Variants in ANKFY1 observed in about 807,000 individuals in gnomAD.
The protein encoded by ANKFY1 is ankyrin repeat and FYVE domain-containing protein 1.
A neutral mutation model predicts 128.3 loss-of-function variants in ANKFY1; 47 were observed. The observed-to-expected ratio is 0.37, with a 90% CI of 0.29 to 0.47. The LOEUF (loss-of-function observed/expected upper bound fraction) is 0.47, where lower values mean the gene tolerates loss of function less well. Among genes scored for constraint, ANKFY1 ranks in the 20% least tolerant of loss-of-function variants. ANKFY1 has a pLI of 1.00. For synonymous variants in ANKFY1, 553 were observed against 601.6 expected, an observed-to-expected ratio of 0.92 and a Z score of 1.18; for missense variants, 1,222 against 1,510.6, an observed-to-expected ratio of 0.81 and a Z score of 3.17.
intron 2 of ANKFY1, among the ~76,000 whole-genome samples, chr17:4,241,415 G>A (rs1967215230): frequency 6.6e-6 from 1 of 151,754 alleles, no homozygotes; most frequent in Non-Finnish European, 1.5e-5. Flanking sequence ...GAGTAGCTGG[G>A]ACTACAGGTG....
chr17:4,204,517 C>T (rs770653520), intron 7 of ANKFY1, among the ~76,000 whole-genome samples: 8 of 152,204 alleles, frequency 5.3e-5, no homozygotes, highest in Non-Finnish European at 1.2e-4. Flanking sequence ...AATCCACATA[C>T]TTGCAAGCAA....
At chr17:4,239,683 C>T (rs562511800) in intron 2 of ANKFY1, among the ~76,000 whole-genome samples, 63 of 152,170 alleles carry the variant, frequency 4.1e-4, no homozygotes, top group Admixed American at 2.6e-3. Flanking sequence ...GGATTACAGG[C>T]GCGTGCCACC....
chr17:4,194,131 G>A (rs551606923), intron 10 of ANKFY1, among the ~76,000 whole-genome samples: 7 of 108,062 alleles, frequency 6.5e-5, no homozygotes, highest in East Asian at 2.6e-4. Flanking sequence ...TTTTTGAGAC[G>A]GAGTTTCAGT....
At position 4,170,872 on chromosome 17, in the gene ANKFY1, A is replaced by G. The variant is rs1375125478; in HGVS notation, c.3140-11T>C. 1.3e-5 allele frequency: 21 copies of G among 1,614,182 alleles called. No homozygotes were observed. The highest frequency in any genetic ancestry group is 6.7e-5 in the Admixed American group (4 of 60,014). Reference sequence around the variant, plus strand: ...ATGCCAGGAGCAGCACTGGAAAACAAAAGCACGCGCAGGGCTACTTCCCAC... The same window carrying G: ...ATGCCAGGAGCAGCACTGGAAAACAGAAGCACGCGCAGGGCTACTTCCCAC... On this transcript the variant is annotated splice_polypyrimidine_tract_variant and intron_variant, in intron 22 of 24. Coordinates refer to ENST00000341657, the MANE Select transcript of ANKFY1 (RefSeq NM_001330063.2).
chr17:4,254,163 G>T (rs548468132), intron 1 of ANKFY1, among the ~76,000 whole-genome samples: 1 of 151,994 alleles, frequency 6.6e-6, no homozygotes, highest in Non-Finnish European at 1.5e-5. Context: ...AATTAGCCAG[G>T]TGTGGTGGCA....
intron 8 of ANKFY1, 88 bp downstream of exon 8, chr17:4,197,285 C>T: frequency 8.7e-6 from 12 of 1,379,592 alleles, no homozygotes; most frequent in Non-Finnish European, 1.1e-5. Flanking sequence ...AACTAAAGAA[C>T]ATGAACTCCC....
intron 7 of ANKFY1, among the ~76,000 whole-genome samples, chr17:4,201,582 G>A (rs1004160912): frequency 6.6e-6 from 1 of 151,528 alleles, no homozygotes; most frequent in African/African-American, 2.4e-5. Flanking sequence ...AGGGCTATTG[G>A]GTTCTACTTT....
intron 17 of ANKFY1, chr17:4,179,322 C>CGTG (rs2059466421): frequency 1.8e-6 from 1 of 557,178 alleles, no homozygotes; most frequent in Admixed American, 3.1e-5. Flanking sequence ...TCTAAGCCAC[C>CGTG]ACTCCTTATC....
chr17:4,242,137 T>C lies in ANKFY1; in HGVS notation c.203+119A>G, dbSNP rs1177987844. 1.4e-5 allele frequency: 14 copies of C among 1,011,274 alleles called. No homozygotes were observed. The East Asian group carries it at 4.1e-4, about 30-fold the overall frequency. 62.6% of individuals were successfully genotyped at this position (1,011,274 alleles called of 1,614,324 possible). A position where few individuals can be genotyped will look rare whatever the true frequency, so the allele number is the denominator to read the frequency against. On this transcript the variant is annotated intron_variant, in intron 2 of 24. Coordinates refer to ENST00000341657, the MANE Select transcript of ANKFY1 (RefSeq NM_001330063.2). ...CTCAAGGAGCTTCTATTCTAGGGAA[T>C]CGATTTGCTAATATCCTCATTAGAG...
chr17:4,238,576 C>T (rs1461783304), intron 2 of ANKFY1, among the ~76,000 whole-genome samples: 2 of 151,834 alleles, frequency 1.3e-5, no homozygotes, highest in South Asian at 2.1e-4. Flanking sequence ...CAGGTTCAAG[C>T]GATTCTCCTG....
At position 4,169,256 on chromosome 17, in the gene ANKFY1, C is replaced by T. The variant is rs2059269993; in HGVS notation, c.3319G>A (p.Gly1107Ser). The change falls in exon 24 of 25, where the codon GGC (glycine) becomes AGC (serine). Residue 1107 changes from glycine to serine, a missense_variant. Physicochemically the swap from Gly to Ser is moderately conservative, Grantham distance 56. Transcript: ENST00000341657. The surrounding 1 kb of genome is among the most constrained non-coding windows in gnomAD (Gnocchi z 5.0). ...GCAGTGCACTCATAGCAGTAGGAGC[C>T]GTCACACCACGGAGGCTCCTTGGAC... is the stretch of plus-strand genomic sequence containing the variant. ...MLSKEPPWCD[G>S]SYCYECTARF... 2 of 1,551,802 alleles carry T rather than the reference C, an allele frequency of 1.3e-6. No homozygotes were observed. The highest frequency in any genetic ancestry group is 1.7e-6 in the Non-Finnish European group (2 of 1,147,424).
At chr17:4,202,169 G>A (rs1040848060) in intron 7 of ANKFY1, among the ~76,000 whole-genome samples, 1 of 152,188 alleles carries the variant, frequency 6.6e-6, no homozygotes, top group Non-Finnish European at 1.5e-5. Flanking sequence ...TTGGGAGGCC[G>A]AGGCGGGCAT....
chr17:4,234,087 C>G (rs1221451612), intron 3 of ANKFY1, among the ~76,000 whole-genome samples: 1 of 150,038 alleles, frequency 6.7e-6, no homozygotes, highest in Admixed American at 6.6e-5. Context: ...CAGTAACATG[C>G]TGTACATGCT....
intron 17 of ANKFY1, 54 bp downstream of exon 17, chr17:4,179,667 G>A (rs2059473971): frequency 6.3e-7 from 1 of 1,594,962 alleles, no homozygotes; most frequent in Non-Finnish European, 8.5e-7. Flanking sequence ...ATAGGAGGAG[G>A]CTTCCCTCAT....
intron 4 of ANKFY1, among the ~76,000 whole-genome samples, chr17:4,213,259 G>A (rs957655300): frequency 2.0e-5 from 3 of 151,646 alleles, no homozygotes; most frequent in East Asian, 3.9e-4. Context: ...GCATGATCTC[G>A]GCTCACTGCA....
At chr17:4,250,487 C>A (rs1967767276) in intron 1 of ANKFY1, among the ~76,000 whole-genome samples, 1 of 152,126 alleles carries the variant, frequency 6.6e-6, no homozygotes, top group South Asian at 2.1e-4. Flanking sequence ...TATAAAAACA[C>A]TGCTGACAGA....
chr17:4,256,994 C>T (rs1455881619), intron 1 of ANKFY1, among the ~76,000 whole-genome samples: 2 of 152,144 alleles, frequency 1.3e-5, no homozygotes, highest in Non-Finnish European at 1.5e-5. Context: ...GAAACACTTC[C>T]AACTTAGACA....
At chr17:4,263,395 G>A (rs1445613039) in intron 1 of ANKFY1, among the ~76,000 whole-genome samples, 1 of 152,186 alleles carries the variant, frequency 6.6e-6, no homozygotes, top group Non-Finnish European at 1.5e-5. Flanking sequence ...CCTGAAGGCT[G>A]GGGTTGCAGC....
chr17:4,227,437 T>A (rs2060444136), intron 3 of ANKFY1, among the ~76,000 whole-genome samples: 1 of 152,192 alleles, frequency 6.6e-6, no homozygotes, highest in Non-Finnish European at 1.5e-5. Flanking sequence ...ATATAATCAT[T>A]TCTATAGATG....
Sources: allele counts gnomAD v4.1 joint callset (sites outside exome capture counted in the v4.1 genomes callset), GRCh38; gene constraint gnomAD v4.1.1; non-coding constraint Gnocchi (gnomAD v3.1); transcripts MANE v1.5; gene names NCBI Gene and HGNC (gene_info 2026-07-23, HGNC 2026-07-21).